The following SLC7A2 variants were observed in gnomAD, a reference collection of about 807,000 sequenced individuals.
SLC7A2 encodes solute carrier family 7 member 2.
SLC7A2 carries 48 observed loss-of-function variants against 58.9 expected under a neutral mutation model. The ratio of observed to expected loss-of-function variants is 0.82; its 90% CI spans 0.65 to 1.04. SLC7A2 has a LOEUF of 1.04. Among genes scored for constraint, SLC7A2 ranks in the 50% least tolerant of loss-of-function variants. SLC7A2 has a pLI of 0.00. For missense variants in SLC7A2, 1,029 were observed against 818.8 expected, an observed-to-expected ratio of 1.26 and a Z score of -3.13; for synonymous variants, 363 against 314.5, an observed-to-expected ratio of 1.15 and a Z score of -1.63.
At chr8:17,534,480 AAGAC>A (rs2150719358) in intron 2 of SLC7A2, among the ~76,000 whole-genome samples, 1 of 152,324 alleles carries the variant, frequency 6.6e-6, no homozygotes, top group South Asian at 2.1e-4. Context: ...GGGCATTGCC[AAGAC>A]TCAGAGATCG....
chr8:17,531,675 T>C (rs2705082), intron 2 of SLC7A2, among the ~76,000 whole-genome samples: 16,208 of 152,074 alleles, frequency 0.11, 1,153 homozygotes, highest in East Asian at 0.26. Context: ...AAATGCATGT[T>C]TTTAGGAATT....
At chr8:17,547,664 TAACA>T (rs900712643) in intron 4 of SLC7A2, among the ~76,000 whole-genome samples, 10 of 152,272 alleles carry the variant, frequency 6.6e-5, no homozygotes, top group South Asian at 4.1e-4. Context: ...TTTATAATTG[TAACA>T]AACAAAGAGT....
At chr8:17,530,550 T>TACA (rs1378478905) in intron 2 of SLC7A2, among the ~76,000 whole-genome samples, 2 of 150,366 alleles carry the variant, frequency 1.3e-5, no homozygotes, top group Non-Finnish European at 3.0e-5. Flanking sequence ...GAAGGCAGAT[T>TACA]AGGTACAAGT....
intron 2 of SLC7A2, among the ~76,000 whole-genome samples, chr8:17,541,324 T>A (rs1437314482): frequency 2.0e-5 from 3 of 152,196 alleles, no homozygotes; most frequent in Non-Finnish European, 4.4e-5. Context: ...GTGGTAGAAA[T>A]TGATAAACAT....
intron 11 of SLC7A2, 61 bp from the exon 12 acceptor site, chr8:17,563,542 A>G: frequency 9.7e-7 from 1 of 1,026,118 alleles, no homozygotes; most frequent in Non-Finnish European, 1.5e-6. Context: ...CCCTGTTGAA[A>G]TAACTTGGGG....
In SLC7A2 at chr8:17,520,761, G is replaced by T. The variant is rs141627965; in HGVS notation, c.-23+18459G>T. ...GAGAAGGACCTTGAGAGGAATAAAA[G>T]GGTATCTGTAAGTAGAGATGAGCTT... On this transcript the variant is annotated intron_variant, in intron 2 of 12. Coordinates refer to ENST00000494857, the MANE Select transcript of SLC7A2 (RefSeq NM_001370338.1). 1.2e-3 allele frequency: 1,074 copies of T among 933,692 alleles called. 10 individuals carry two copies. The African/African-American group carries it at 0.018, about 15-fold the overall frequency. 57.8% of individuals were successfully genotyped at this position (933,692 alleles called of 1,614,324 possible).
At chr8:17,536,612 G>A (rs1349339799) in intron 2 of SLC7A2, among the ~76,000 whole-genome samples, 2 of 152,054 alleles carry the variant, frequency 1.3e-5, no homozygotes, top group Non-Finnish European at 2.9e-5. Context: ...GAGTATATAC[G>A]TCTGTGGGTA....
At chr8:17,530,184 C>G (rs1290137353) in intron 2 of SLC7A2, among the ~76,000 whole-genome samples, 2 of 152,246 alleles carry the variant, frequency 1.3e-5, no homozygotes, top group Non-Finnish European at 2.9e-5. Context: ...CCCCCCTGCC[C>G]CCCATCCCCG....
chr8:17,512,724 C>T (rs532628365), intron 2 of SLC7A2, among the ~76,000 whole-genome samples: 1 of 152,242 alleles, frequency 6.6e-6, no homozygotes, highest in East Asian at 1.9e-4. Context: ...CATCGTTGTA[C>T]AACAGATTTC....
chr8:17,553,127 C>A (rs1410583711), intron 7 of SLC7A2, among the ~76,000 whole-genome samples: 1 of 152,160 alleles, frequency 6.6e-6, no homozygotes, highest in African/African-American at 2.4e-5. Context: ...AATCATAGTT[C>A]ACTGAGGCTC....
intron 4 of SLC7A2, 97 bp downstream of exon 4, chr8:17,544,703 G>C: frequency 1.0e-6 from 1 of 1,003,976 alleles, no homozygotes; most frequent in Non-Finnish European, 1.5e-6. Context: ...TTCCCAAGAT[G>C]AGATTAGTAT....
intron 6 of SLC7A2, among the ~76,000 whole-genome samples, chr8:17,551,066 G>T (rs541644528): frequency 6.6e-6 from 1 of 152,164 alleles, no homozygotes; most frequent in Non-Finnish European, 1.5e-5. Context: ...AGGGCCTACC[G>T]AATGGCACAG....
chr8:17,550,490 A>G, intron 6 of SLC7A2, 56 bp downstream of exon 6: 1 of 1,545,960 alleles, frequency 6.5e-7, no homozygotes, highest in Non-Finnish European at 8.8e-7. Flanking sequence ...GTGCACGAGT[A>G]CCCGTGTGTG....
At position 17,568,003 on chromosome 8, in the gene SLC7A2, A is replaced by T. The variant is rs1198462540; in HGVS notation, c.*2857A>T. 1 of 104,020 alleles carries T rather than the reference A, an allele frequency of 9.6e-6. No homozygotes were observed. Among genetic ancestry groups the T allele is most frequent in the East Asian group, 2.9e-4 (1 of 3,496 alleles). 6.4% of individuals were successfully genotyped at this position (104,020 alleles called of 1,614,324 possible). On this transcript the variant is annotated 3_prime_UTR_variant, in exon 13 of 13. Coordinates refer to ENST00000494857, the MANE Select transcript of SLC7A2 (RefSeq NM_001370338.1). The stretch of plus-strand genomic sequence containing the variant: ...CCTTTCTGTTTCTGCTTGTGAATTC[A>T]TAATGTTTTCAACTAAATTTTTTTT...
intron 1 of SLC7A2, among the ~76,000 whole-genome samples, chr8:17,499,603 A>G (rs1440958829): frequency 6.6e-6 from 1 of 150,830 alleles, no homozygotes; most frequent in African/African-American, 2.4e-5. Flanking sequence ...GATGCCAAAC[A>G]TTTAGAACAA....
chr8:17,507,819 C>T (rs1325072972), intron 2 of SLC7A2, among the ~76,000 whole-genome samples: 1 of 151,946 alleles, frequency 6.6e-6, no homozygotes, highest in African/African-American at 2.4e-5. Context: ...TGATGAAGTG[C>T]ATTTAGAAAT....
chr8:17,556,219 T>C (rs1458184882), intron 8 of SLC7A2, among the ~76,000 whole-genome samples: 1 of 152,116 alleles, frequency 6.6e-6, no homozygotes, highest in African/African-American at 2.4e-5. Flanking sequence ...ACACATGATA[T>C]TAAAGGTAGT....
At chr8:17,507,433 T>C (rs998320162) in intron 2 of SLC7A2, among the ~76,000 whole-genome samples, 4 of 152,116 alleles carry the variant, frequency 2.6e-5, no homozygotes, top group Non-Finnish European at 5.9e-5. Context: ...AGGCTGGTTT[T>C]GAACTCCTGG....
chr8:17,548,828 T>C lies in SLC7A2; in HGVS notation c.683T>C (p.Ile228Thr), dbSNP rs139154163. 1.3e-5 allele frequency: 21 copies of C among 1,605,518 alleles called. No homozygotes were observed. The African/African-American group carries it at 2.3e-4, about 18-fold the overall frequency. ...WKISEEFLKN[I>T]SASAREPPSE... is the part of the protein sequence containing the mutation. ...ATTAGTGAAGAGTTTCTCAAAAATA[T>C]ATCAGCAAGTGCCAGGTAAAATATT... The change falls in exon 5 of 13, where the codon ATA becomes ACA. Residue 228 changes from isoleucine (I) to threonine (T), a missense_variant. Transcript: ENST00000494857.
Sources: allele counts gnomAD v4.1 joint callset (sites outside exome capture counted in the v4.1 genomes callset), GRCh38; gene constraint gnomAD v4.1.1; transcripts MANE v1.5; gene names NCBI Gene and HGNC (gene_info 2026-07-23, HGNC 2026-07-21).